KTN1: variants seen among roughly 807,000 people sequenced by gnomAD.
KTN1 encodes kinectin.
In KTN1, 130 loss-of-function variants were observed where a neutral mutation model predicts 222.5. That is an observed-to-expected ratio of 0.58 (90% CI 0.51 to 0.68). The LOEUF (loss-of-function observed/expected upper bound fraction) is 0.68, where lower values mean the gene tolerates loss of function less well. Ranked by LOEUF, KTN1 falls within the 30% of genes least tolerant of loss-of-function variation. The pLI, the probability that KTN1 is intolerant of heterozygous loss-of-function variation, is 0.00. For missense variants in KTN1, 1,508 were observed against 1,500.4 expected, an observed-to-expected ratio of 1.01 and a Z score of -0.08; for synonymous variants, 512 against 496.3, an observed-to-expected ratio of 1.03 and a Z score of -0.42.
intron 1 of KTN1, among the ~76,000 whole-genome samples, chr14:55,598,077 C>G (rs1454397962): frequency 6.6e-6 from 1 of 152,084 alleles, no homozygotes; most frequent in African/African-American, 2.4e-5. Context: ...CTTCTTTGTG[C>G]ATTCCTGAAA....
chr14:55,649,472 C>T (rs1325213941), intron 21 of KTN1, among the ~76,000 whole-genome samples: 2 of 151,928 alleles, frequency 1.3e-5, no homozygotes, highest in African/African-American at 2.4e-5. Context: ...TAAAAGAGGC[C>T]GCCTGAAATT....
At chr14:55,629,190 G>A (rs2040212940) in intron 6 of KTN1, among the ~76,000 whole-genome samples, 1 of 152,154 alleles carries the variant, frequency 6.6e-6, no homozygotes. Flanking sequence ...GCTGAGGCGG[G>A]TGAATCATGA....
intron 43 of KTN1, chr14:55,683,706 TAAAA>T (rs5808818): frequency 0.063 from 9,557 of 151,422 alleles, 393 homozygotes; most frequent in South Asian, 0.092. Flanking sequence ...TCATATGACC[TAAAA>T]AAAAAAAAAA....
chr14:55,642,330 A>G (rs1374391494), intron 18 of KTN1, among the ~76,000 whole-genome samples: 1 of 152,114 alleles, frequency 6.6e-6, no homozygotes, highest in East Asian at 1.9e-4. Context: ...TATTTTATCC[A>G]TCTCATCTCC....
Position 55,618,105 on chromosome 14 carries a change from C to G in KTN1, c.803C>G (p.Thr268Ser), listed in dbSNP as rs763897315. 2.9e-5 allele frequency: 47 copies of G among 1,611,618 alleles called. No individual in the cohort carries two copies. The highest frequency in any genetic ancestry group is 3.8e-5 in the Non-Finnish European group (45 of 1,179,074). The change falls in exon 4 of 44, where the codon ACT (threonine) becomes AGT (serine). Residue 268 changes from threonine (T) to serine (S), a missense_variant. By Grantham distance (58) the Thr-to-Ser change is moderately conservative. Transcript: ENST00000395314. Reference protein sequence around the residue: ...DQVEGIQKSGTKKLKTETDKE... With the variant: ...DQVEGIQKSGSKKLKTETDKE... ...GTAGAAGGGATCCAGAAATCTGGGA[C>G]TAAAAAACTGAAGACCGAAACTGAC...
chr14:55,648,928 T>G (rs2042662212), intron 21 of KTN1, 58 bp downstream of exon 21: 1 of 1,208,098 alleles, frequency 8.3e-7, no homozygotes, highest in African/African-American at 1.5e-5. Context: ...GTTTGTTTGT[T>G]GTTTTTAAAT....
intron 1 of KTN1, among the ~76,000 whole-genome samples, chr14:55,607,189 C>T (rs1433751979): frequency 2.0e-5 from 3 of 152,096 alleles, no homozygotes; most frequent in Non-Finnish European, 4.4e-5. Context: ...TAAAATTTAA[C>T]TCAGTGATGT....
At chr14:55,594,930 C>T (rs2034769629) in intron 1 of KTN1, among the ~76,000 whole-genome samples, 1 of 152,106 alleles carries the variant, frequency 6.6e-6, no homozygotes, top group Non-Finnish European at 1.5e-5. Context: ...GTTTTTTCAC[C>T]AATTCAAGCT....
At chr14:55,591,577 C>G (rs1011583300) in intron 1 of KTN1, among the ~76,000 whole-genome samples, 11 of 133,278 alleles carry the variant, frequency 8.3e-5, no homozygotes, top group African/African-American at 3.0e-4. Context: ...TTCTTTCTCT[C>G]TTTCTTTTTT....
intron 29 of KTN1, among the ~76,000 whole-genome samples, chr14:55,656,507 C>T (rs956286869): frequency 8.5e-5 from 13 of 152,106 alleles, no homozygotes; most frequent in African/African-American, 3.1e-4. Context: ...CTGTGTTGCT[C>T]AGGCTGGAGT....
chr14:55,653,451 A>G lies in KTN1; in HGVS notation c.2764-108A>G, dbSNP rs1333749862. On this transcript the variant is annotated intron_variant, in intron 27 of 43. Coordinates refer to ENST00000395314, the MANE Select transcript of KTN1 (RefSeq NM_001079521.2). ...TGACCCAATCTTAAATTTACTGCATATAATTATGTTTTTGTTTTTATTGGT... is the reference window on the plus strand; with the variant it reads ...TGACCCAATCTTAAATTTACTGCATGTAATTATGTTTTTGTTTTTATTGGT... The G allele has an allele frequency of 1.7e-5, 13 of 784,492 alleles. No individual in the cohort carries two copies. The East Asian group carries it at 1.8e-4, about 11-fold the overall frequency. The allele number at this position is 784,492 out of a possible 1,614,324, so 48.6% of individuals were successfully genotyped here. A position where few individuals can be genotyped will look rare whatever the true frequency, so the allele number is the denominator to read the frequency against.
chr14:55,623,172 A>G (rs1393258839), intron 5 of KTN1, among the ~76,000 whole-genome samples: 2 of 152,256 alleles, frequency 1.3e-5, no homozygotes, highest in African/African-American at 2.4e-5. Context: ...TTGCCACAGC[A>G]TTTATCATAG....
At chr14:55,613,396 G>A (rs925463551) in intron 2 of KTN1, among the ~76,000 whole-genome samples, 11 of 152,048 alleles carry the variant, frequency 7.2e-5, no homozygotes, top group Non-Finnish European at 1.3e-4. Flanking sequence ...TTGGCGTGGC[G>A]ATGTGTGAAA....
chr14:55,619,073 C>G (rs957364813), intron 4 of KTN1, 109 bp from the exon 5 acceptor site: 1 of 786,800 alleles, frequency 1.3e-6, no homozygotes, highest in East Asian at 2.6e-5. Context: ...TGTTTTCTTT[C>G]GGTTATTGAC....
intron 7 of KTN1, among the ~76,000 whole-genome samples, chr14:55,630,898 G>A (rs927716428): frequency 6.6e-6 from 1 of 152,178 alleles, no homozygotes; most frequent in Non-Finnish European, 1.5e-5. Context: ...AGTATACAAA[G>A]AGTTAGTTAG....
intron 28 of KTN1, 50 bp from the exon 29 acceptor site, chr14:55,655,984 GTCTGGTTT>G: frequency 1.0e-6 from 1 of 976,082 alleles, no homozygotes. Context: ...TGATATTGGA[GTCTGGTTT>G]TCCTTTTTTA....
At chr14:55,679,940 G>T in intron 43 of KTN1, 2 of 421,768 alleles carry the variant, frequency 4.7e-6, no homozygotes, top group South Asian at 3.7e-5. Flanking sequence ...TAACTTGGCT[G>T]CCTGGGTTTT....
At chr14:55,614,576 T>C (rs2038074872) in intron 2 of KTN1, among the ~76,000 whole-genome samples, 1 of 152,186 alleles carries the variant, frequency 6.6e-6, no homozygotes, top group African/African-American at 2.4e-5. Context: ...TTTTGCATTT[T>C]AAATGGTTGG....
chr14:55,583,356 A>G (rs1024074686), intron 1 of KTN1, among the ~76,000 whole-genome samples: 3 of 152,194 alleles, frequency 2.0e-5, no homozygotes, highest in African/African-American at 4.8e-5. Flanking sequence ...AATTCTAACA[A>G]TAGTTTTAGT....
Sources: allele counts gnomAD v4.1 joint callset (sites outside exome capture counted in the v4.1 genomes callset), GRCh38; gene constraint gnomAD v4.1.1; transcripts MANE v1.5; gene names NCBI Gene and HGNC (gene_info 2026-07-23, HGNC 2026-07-21).